The following BCLAF1 variants were observed in gnomAD, a reference collection of about 807,000 sequenced individuals.
BCLAF1 encodes bcl-2-associated transcription factor 1.
BCLAF1 carries 10 observed loss-of-function variants against 99.5 expected under a neutral mutation model. That is an observed-to-expected ratio of 0.10 (90% CI 0.06 to 0.17). The LOEUF (loss-of-function observed/expected upper bound fraction) is 0.17, where lower values mean the gene tolerates loss of function less well. Among genes scored for constraint, BCLAF1 ranks in the 10% least tolerant of loss-of-function variants. The probability of loss-of-function intolerance (pLI) is 1.00; values close to 1 mark genes in which losing one functional copy is unlikely to be tolerated. For synonymous variants in BCLAF1, 255 were observed against 370.9 expected, an observed-to-expected ratio of 0.69 and a Z score of 3.59; for missense variants, 636 against 1,105.8, an observed-to-expected ratio of 0.58 and a Z score of 6.02.
At chr6:136,261,833 TTAAG>T (rs555819805) in intron 11 of BCLAF1, among the ~76,000 whole-genome samples, 8 of 152,210 alleles carry the variant, frequency 5.3e-5, no homozygotes, top group East Asian at 1.9e-4. Flanking sequence ...TGAGATAAAA[TTAAG>T]TTTTTCCCAA....
intron 6 of BCLAF1, chr6:136,273,979 CAT>C (rs1448578324): frequency 8.2e-6 from 10 of 1,224,794 alleles, no homozygotes; most frequent in Non-Finnish European, 9.4e-6. Flanking sequence ...ATATCCAGCA[CAT>C]GTCTCATAAC....
intron 6 of BCLAF1, among the ~76,000 whole-genome samples, chr6:136,274,453 T>C (rs1584052473): frequency 6.6e-6 from 1 of 152,040 alleles, no homozygotes. Flanking sequence ...CACAGTAATA[T>C]GGTCATAAAC....
intron 6 of BCLAF1, chr6:136,274,001 A>T: frequency 8.0e-7 from 1 of 1,251,662 alleles, no homozygotes. Context: ...CCAATCATTA[A>T]AACTTGAAAC....
At chr6:136,266,506 C>T (rs758982378) in intron 11 of BCLAF1, among the ~76,000 whole-genome samples, 2 of 152,058 alleles carry the variant, frequency 1.3e-5, no homozygotes, top group Non-Finnish European at 2.9e-5. Context: ...GGAAAAGCAC[C>T]TCTACCACAG....
chr6:136,266,592 G>A (rs1382406343), intron 11 of BCLAF1, among the ~76,000 whole-genome samples: 1 of 151,992 alleles, frequency 6.6e-6, no homozygotes, highest in Non-Finnish European at 1.5e-5. Context: ...TCCAATGAAA[G>A]TTGACAGCCT....
At chr6:136,261,807 A>G (rs1157861550) in intron 11 of BCLAF1, among the ~76,000 whole-genome samples, 1 of 152,154 alleles carries the variant, frequency 6.6e-6, no homozygotes, top group Non-Finnish European at 1.5e-5. Context: ...TCCACTTATT[A>G]TTACACCAAA....
Position 136,260,744 on chromosome 6 carries a change from G to A in BCLAF1, c.*366C>T, listed in dbSNP as rs111296119. The A allele has an allele frequency of 3.3e-3, 1,035 of 311,166 alleles. 10 individuals carry two copies. Among genetic ancestry groups the A allele is most frequent in the African/African-American group, 0.017 (819 of 46,858 alleles). The allele number at this position is 311,166 out of a possible 1,614,324, so 19.3% of individuals were successfully genotyped here. On this transcript the variant is annotated 3_prime_UTR_variant, in exon 13 of 13. Coordinates refer to ENST00000531224, the MANE Select transcript of BCLAF1 (RefSeq NM_014739.3). Reference sequence around the variant, plus strand: ...TCCAGGATTTATATGTAGAGCTAACGTTTACTTCAGAATAAAACATTGACA... The same window carrying A: ...TCCAGGATTTATATGTAGAGCTAACATTTACTTCAGAATAAAACATTGACA...
chr6:136,284,124 G>A (rs1440138988), intron 1 of BCLAF1, among the ~76,000 whole-genome samples: 1 of 80,692 alleles, frequency 1.2e-5, no homozygotes, highest in African/African-American at 7.8e-5. Context: ...ATATGTGTGT[G>A]TGTGTGTATA....
Position 136,258,192 on chromosome 6 carries a change from C to A in BCLAF1, c.*2918G>T, listed in dbSNP as rs1780574816. On this transcript the variant is annotated 3_prime_UTR_variant, in exon 13 of 13. Transcript: ENST00000531224. ...ACTTAAAGTGAATGAAAAGACAATT[C>A]TTTTTACTTATTTACTAGCTACTAT... The A allele has an allele frequency of 6.6e-6, 1 of 152,048 alleles. No homozygotes were observed. The highest frequency in any genetic ancestry group is 2.1e-4 in the South Asian group (1 of 4,828). 9.4% of individuals were successfully genotyped at this position (152,048 alleles called of 1,614,324 possible).
intron 1 of BCLAF1, among the ~76,000 whole-genome samples, chr6:136,288,024 ATCAG>A (rs759212554): frequency 8.5e-5 from 13 of 152,298 alleles, no homozygotes; most frequent in South Asian, 6.2e-4. Context: ...CGTCTCAAGA[ATCAG>A]TCAATCAACC....
chr6:136,263,832 T>TA, intron 11 of BCLAF1, among the ~76,000 whole-genome samples: 1 of 152,176 alleles, frequency 6.6e-6, no homozygotes, highest in Non-Finnish European at 1.5e-5. Context: ...AGGTTCTAAC[T>TA]AAAACTAGTA....
intron 4 of BCLAF1, 55 bp from the exon 5 acceptor site, chr6:136,276,563 G>A (rs1217901911): frequency 1.7e-5 from 26 of 1,502,834 alleles, no homozygotes; most frequent in African/African-American, 2.8e-5. Flanking sequence ...ACTGTAGATC[G>A]CTTCCATATT....
rs770820660 is a variant in BCLAF1, at chr6:136,257,450, A to ATAG, written c.*3657_*3659dup. On this transcript the variant is annotated 3_prime_UTR_variant, in exon 13 of 13. Transcript: ENST00000531224. The stretch of plus-strand genomic sequence containing the variant: ...ATCATTACTGCATGTTTCTAAAACA[A>ATAG]TAGGAGTCCAGCTCATAAATCAACA... 1 of 152,312 alleles carries ATAG rather than the reference A, an allele frequency of 6.6e-6. No individual in the cohort carries two copies. The highest frequency in any genetic ancestry group is 1.9e-4 in the East Asian group (1 of 5,190). 9.4% of individuals were successfully genotyped at this position (152,312 alleles called of 1,614,324 possible). A position where few individuals can be genotyped will look rare whatever the true frequency, so the allele number is the denominator to read the frequency against.
chr6:136,276,637 T>C (rs1349842254), intron 4 of BCLAF1, 129 bp from the exon 5 acceptor site: 1 of 1,111,952 alleles, frequency 9.0e-7, no homozygotes, highest in Non-Finnish European at 1.2e-6. Flanking sequence ...AAAAGTGCTT[T>C]TTCAGATTCC....
intron 7 of BCLAF1, 133 bp downstream of exon 7, chr6:136,272,949 A>G (rs938807494): frequency 9.0e-6 from 5 of 555,034 alleles, no homozygotes; most frequent in South Asian, 6.5e-5. Context: ...ACTTTGAAAT[A>G]TATTTATTTA....
chr6:136,273,102 T>C lies in BCLAF1; in HGVS notation c.1938A>G (p.Gln646=), dbSNP rs138013911. ...QKATEEHSTR[Q]KSPEIHRRID... ...CATACCTGTGTATTTCAGGGCTCTT[T>C]TGCCGAGTACTATGTTCTTCAGTGG... is the stretch of plus-strand genomic sequence containing the variant. Residue 646 remains glutamine (Q), a synonymous_variant, in exon 7 of 13, where the codon CAA becomes CAG. Coordinates refer to ENST00000531224, the MANE Select transcript of BCLAF1 (RefSeq NM_014739.3). The C allele has an allele frequency of 4.1e-4, 654 of 1,611,814 alleles. 2 individuals are homozygous for C. In the African/African-American group the frequency reaches 7.7e-3, roughly 19 times the overall value.
At position 136,257,733 on chromosome 6, in the gene BCLAF1, ATTCCTCCATT is replaced by A. The variant is rs1447715028; in HGVS notation, c.*3367_*3376del. ...ATTAATCCCAATGACAATGAAGTTT[ATTCCTCCATT>A]TGCCTTTCCTCTTCAACTCTGTAAA... On this transcript the variant is annotated 3_prime_UTR_variant, in exon 13 of 13. Transcript: ENST00000531224. 8 of 152,272 alleles carry A rather than the reference ATTCCTCCATT, an allele frequency of 5.3e-5. No individual in the cohort carries two copies. The highest frequency in any genetic ancestry group is 1.7e-4 in the African/African-American group (7 of 41,580). The allele number at this position is 152,272 out of a possible 1,614,324, so 9.4% of individuals were successfully genotyped here. A position where few individuals can be genotyped will look rare whatever the true frequency, so the allele number is the denominator to read the frequency against.
rs1473708623 is a variant in BCLAF1 at position 136,259,962 on chromosome 6, T to C, written c.*1148A>G. 1 of 151,712 alleles carries C rather than the reference T, an allele frequency of 6.6e-6. No homozygotes were observed. The highest frequency in any genetic ancestry group is 1.5e-5 in the Non-Finnish European group (1 of 67,842). 9.4% of individuals were successfully genotyped at this position (151,712 alleles called of 1,614,324 possible). On this transcript the variant is annotated 3_prime_UTR_variant, in exon 13 of 13. Transcript: ENST00000531224. ...AAATTATCTACCTGAAGAATAGAAC[T>C]CTTAAGAGGAAAAAGAAAAAGCCAT...
chr6:136,275,627 C>T lies in BCLAF1; in HGVS notation c.1757G>A (p.Arg586Gln), dbSNP rs768982507. The T allele has an allele frequency of 1.3e-6, 2 of 1,597,568 alleles. No individual in the cohort carries two copies. Among genetic ancestry groups the T allele is most frequent in the Non-Finnish European group, 1.7e-6 (2 of 1,173,686 alleles). ...VHSVKKEQEF[R>Q]SIFDHIKLPQ... The stretch of plus-strand genomic sequence containing the variant: ...CAACTTAATGTGGTCAAAGATGGAT[C>T]GGAATTCTTGCTCCTTCTTGACAGA... The change falls in exon 6 of 13, where the codon CGA becomes CAA. Residue 586 changes from arginine to glutamine, a missense_variant. Around this residue, in one of 9 missense-constraint regions of BCLAF1, gnomAD observed 180 missense variants for 270.0 expected, o/e 0.67. Transcript: ENST00000531224.
Sources: gnomAD v4.1 joint callset for allele counts (sites outside exome capture counted in the v4.1 genomes callset) on GRCh38, gnomAD v4.1.1 for gene constraint, gnomAD v4.1.1 regional missense constraint, MANE v1.5 for transcripts, NCBI Gene and HGNC (gene_info 2026-07-23, HGNC 2026-07-21) for gene names.